The following PHACTR3 variants were observed in gnomAD, a reference collection of about 807,000 sequenced individuals.
The protein encoded by PHACTR3 is phosphatase and actin regulator 3.
A neutral mutation model predicts 66.8 loss-of-function variants in PHACTR3; 16 were observed. That is an observed-to-expected ratio of 0.24 (90% CI 0.16 to 0.36). The LOEUF (loss-of-function observed/expected upper bound fraction) is 0.36, where lower values mean the gene tolerates loss of function less well. PHACTR3 is among the 10% of genes least tolerant of loss of function. The pLI, the probability that PHACTR3 is intolerant of heterozygous loss-of-function variation, is 1.00. For missense variants in PHACTR3, 647 were observed against 719.9 expected (o/e 0.90, Z 1.16); for synonymous variants, 323 against 292.1 (o/e 1.11, Z -1.08).
At chr20:59,695,616 G>C (rs2037267580) in intron 1 of PHACTR3, among the ~76,000 whole-genome samples, 1 of 152,202 alleles carries the variant, frequency 6.6e-6, no homozygotes, top group East Asian at 1.9e-4. Flanking sequence ...TATTTTGTGA[G>C]TATTTTCTCA....
chr20:59,749,947 G>A (rs16983090), intron 3 of PHACTR3, among the ~76,000 whole-genome samples: 6,845 of 152,128 alleles, frequency 0.045, 210 homozygotes, highest in African/African-American at 0.085. Context: ...CTAAATGATT[G>A]TGGACCAGGG....
rs2041992020 is a variant in PHACTR3 at position 59,820,009 on chromosome 20, C to T, written c.1328+13815C>T. On this transcript the variant is annotated intron_variant, in intron 8 of 12. Coordinates refer to ENST00000371015, the MANE Select transcript of PHACTR3 (RefSeq NM_080672.5). This position sits in a 1 kb window ranked among gnomAD's most constrained non-coding sequence, Gnocchi z 4.6. ...TGATGCTGCAGATTTATCCGACTGA[C>T]TTTCCCAGCCCTCCAGGGGGACCGT... 6.6e-6 allele frequency among the ~76,000 whole-genome samples: 1 copy of T among 152,218 alleles called. No homozygotes were observed. Among genetic ancestry groups the T allele is most frequent in the Non-Finnish European group, 1.5e-5 (1 of 68,022 alleles).
In PHACTR3 at chr20:59,820,144, C is replaced by T. The variant is rs1192992392; in HGVS notation, c.1328+13950C>T. On this transcript the variant is annotated intron_variant, in intron 8 of 12. Transcript: ENST00000371015. The surrounding 1 kb of genome is among the most constrained non-coding windows in gnomAD (Gnocchi z 4.6). ...GCTCTTGGCGTGGCACCACCTCCTG[C>T]TTCACCACTGTGGTGAGGGGTCTGC... is the stretch of plus-strand genomic sequence containing the variant. 6.6e-6 allele frequency among the ~76,000 whole-genome samples: 1 copy of T among 152,192 alleles called. No individual in the cohort carries two copies. Among genetic ancestry groups the T allele is most frequent in the East Asian group, 1.9e-4 (1 of 5,184 alleles).
chr20:59,758,649 C>T (rs930980032), intron 4 of PHACTR3, among the ~76,000 whole-genome samples: 3 of 152,152 alleles, frequency 2.0e-5, no homozygotes, highest in African/African-American at 7.2e-5. Flanking sequence ...TTACTTAGCC[C>T]TGGAAGCAGC....
intron 8 of PHACTR3, among the ~76,000 whole-genome samples, chr20:59,813,277 C>T (rs1264183960): frequency 6.6e-6 from 1 of 152,192 alleles, no homozygotes; most frequent in African/African-American, 2.4e-5. Flanking sequence ...GCTGAGCTGC[C>T]GCAAGCGCTG....
chr20:59,668,795 G>GGTTCAAGAGGTTCTCCTGC (rs1469703208), intron 1 of PHACTR3, among the ~76,000 whole-genome samples: 1 of 152,060 alleles, frequency 6.6e-6, no homozygotes, highest in Non-Finnish European at 1.5e-5. Context: ...CCGCCTCCTG[G>GGTTCAAGAGGTTCTCCTGC]GTTCAAGAGG....
At chr20:59,835,305 C>T (rs1243437443) in intron 8 of PHACTR3, among the ~76,000 whole-genome samples, 2 of 151,908 alleles carry the variant, frequency 1.3e-5, no homozygotes, top group Non-Finnish European at 2.9e-5. Context: ...TCTCACTGAA[C>T]ATCGAGATAT....
At chr20:59,623,178 C>T (rs1013006378) in intron 1 of PHACTR3, among the ~76,000 whole-genome samples, 5 of 151,712 alleles carry the variant, frequency 3.3e-5, no homozygotes, top group Admixed American at 6.6e-5. Flanking sequence ...AAAAGTAGAA[C>T]GCGCGCATGT....
intron 5 of PHACTR3, among the ~76,000 whole-genome samples, chr20:59,772,063 A>G (rs1420243608): frequency 2.0e-5 from 3 of 152,214 alleles, no homozygotes; most frequent in Non-Finnish European, 4.4e-5. Flanking sequence ...GTCTCATTTT[A>G]CAGGCAAGTA....
At chr20:59,767,986 G>T (rs1055476723) in intron 5 of PHACTR3, among the ~76,000 whole-genome samples, 1 of 151,852 alleles carries the variant, frequency 6.6e-6, no homozygotes, top group Non-Finnish European at 1.5e-5. Context: ...CCCTCTCTCT[G>T]CTGGTCTCTG....
At chr20:59,737,422 G>A (rs1279517194) in intron 1 of PHACTR3, among the ~76,000 whole-genome samples, 3 of 152,186 alleles carry the variant, frequency 2.0e-5, no homozygotes, top group South Asian at 2.1e-4. Flanking sequence ...GCTTCAGCTC[G>A]GGGCATGGGC....
chr20:59,752,170 CG>C (rs976535919), intron 3 of PHACTR3, among the ~76,000 whole-genome samples: 4 of 152,186 alleles, frequency 2.6e-5, no homozygotes, highest in African/African-American at 7.2e-5. Context: ...GTAGGAACGC[CG>C]GGGGACACAT....
At chr20:59,637,871 C>T (rs1418863905) in intron 1 of PHACTR3, among the ~76,000 whole-genome samples, 1 of 152,146 alleles carries the variant, frequency 6.6e-6, no homozygotes, top group Non-Finnish European at 1.5e-5. Context: ...TGAGGGACTG[C>T]TTTTATCTGC....
chr20:59,697,304 T>C (rs1409767393), intron 1 of PHACTR3, among the ~76,000 whole-genome samples: 1 of 152,222 alleles, frequency 6.6e-6, no homozygotes, highest in Non-Finnish European at 1.5e-5. Context: ...TTGCATCATA[T>C]TGTATTGATT....
At chr20:59,588,903 T>A (rs991752921) in intron 1 of PHACTR3, among the ~76,000 whole-genome samples, 4 of 152,204 alleles carry the variant, frequency 2.6e-5, no homozygotes, top group African/African-American at 9.7e-5. Flanking sequence ...GAATGAAGGG[T>A]CTACTTCCCA....
At chr20:59,596,528 G>A (rs2033329420) in intron 1 of PHACTR3, among the ~76,000 whole-genome samples, 1 of 152,094 alleles carries the variant, frequency 6.6e-6, no homozygotes, top group African/African-American at 2.4e-5. Context: ...GTTTTTGTCT[G>A]GTTAATTTCA....
intron 1 of PHACTR3, among the ~76,000 whole-genome samples, chr20:59,689,073 C>T (rs1320574209): frequency 6.6e-6 from 1 of 152,196 alleles, no homozygotes; most frequent in Non-Finnish European, 1.5e-5. Flanking sequence ...CACACTATCT[C>T]ATGGGTATTT....
chr20:59,751,374 T>G (rs1335652769), intron 3 of PHACTR3, among the ~76,000 whole-genome samples: 3 of 152,164 alleles, frequency 2.0e-5, no homozygotes, highest in Admixed American at 6.5e-5. Context: ...TGTCAGGGAC[T>G]CCAGAGCCTC....
rs749775255 is a variant in PHACTR3 at position 59,743,207 on chromosome 20, G to T, written c.219G>T (p.Arg73Ser). Reference sequence around the variant, plus strand: ...ACAGCAAACTGGCCACCCTGGGCAGGATCTTCAAACCCTGGAAATGGAGGA... The same window carrying T: ...ACAGCAAACTGGCCACCCTGGGCAGTATCTTCAAACCCTGGAAATGGAGGA... Reference protein sequence around the residue: ...RRNSKLATLGRIFKPWKWRKK... With the variant: ...RRNSKLATLGSIFKPWKWRKK... The change falls in exon 2 of 13, where the codon AGG (arginine) becomes AGT (serine). Residue 73 changes from arginine to serine, a missense_variant. By Grantham distance (110) the Arg-to-Ser change is moderately radical. Coordinates refer to ENST00000371015, the MANE Select transcript of PHACTR3 (RefSeq NM_080672.5). 2 of 1,614,004 alleles carry T rather than the reference G, an allele frequency of 1.2e-6. No individual in the cohort carries two copies. The highest frequency in any genetic ancestry group is 2.2e-5 in the South Asian group (2 of 91,094).
Sources: gnomAD v4.1 joint callset for allele counts (sites outside exome capture counted in the v4.1 genomes callset) on GRCh38, gnomAD v4.1.1 for gene constraint, Gnocchi (gnomAD v3.1) non-coding constraint, MANE v1.5 for transcripts, NCBI Gene and HGNC (gene_info 2026-07-23, HGNC 2026-07-21) for gene names.